The following IGSF21 variants were observed in gnomAD, a reference collection of about 807,000 sequenced individuals.
IGSF21 encodes the protein immunoglobin superfamily member 21, also known as immunoglobulin superfamily member 21.
IGSF21 carries 28 observed loss-of-function variants against 46.8 expected under a neutral mutation model. The ratio of observed to expected loss-of-function variants is 0.60; its 90% CI spans 0.44 to 0.82. The LOEUF (loss-of-function observed/expected upper bound fraction) is 0.82, where lower values mean the gene tolerates loss of function less well. IGSF21 is among the 40% of genes least tolerant of loss of function. The probability of loss-of-function intolerance (pLI) is 0.00; values close to 1 mark genes in which losing one functional copy is unlikely to be tolerated. For missense variants in IGSF21, 624 were observed against 665.5 expected (o/e 0.94, Z 0.69); for synonymous variants, 284 against 273.6 (o/e 1.04, Z -0.38).
intron 2 of IGSF21, among the ~76,000 whole-genome samples, chr1:18,235,817 G>A (rs956170872): frequency 6.6e-6 from 1 of 152,194 alleles, no homozygotes; most frequent in Non-Finnish European, 1.5e-5. Context: ...GGTTTGCAGA[G>A]GAGGTGAGAA....
chr1:18,295,545 G>A (rs1229048241), intron 3 of IGSF21, among the ~76,000 whole-genome samples: 2 of 152,220 alleles, frequency 1.3e-5, no homozygotes, highest in Non-Finnish European at 2.9e-5. Context: ...GAGATGCTGG[G>A]TGCCATTTAG....
chr1:18,228,339 G>T (rs1175858883), intron 2 of IGSF21, among the ~76,000 whole-genome samples: 3 of 152,204 alleles, frequency 2.0e-5, no homozygotes, highest in Non-Finnish European at 2.9e-5. Context: ...TCTGATGGTG[G>T]AATTTTGAGC....
At chr1:18,128,276 C>G (rs1333708165) in intron 1 of IGSF21, among the ~76,000 whole-genome samples, 1 of 152,112 alleles carries the variant, frequency 6.6e-6, no homozygotes, top group Non-Finnish European at 1.5e-5. Context: ...TAAAGCAGGG[C>G]TGTGGGATTG....
At chr1:18,122,055 G>A (rs891167957) in intron 1 of IGSF21, among the ~76,000 whole-genome samples, 1 of 152,256 alleles carries the variant, frequency 6.6e-6, no homozygotes, top group East Asian at 1.9e-4. Flanking sequence ...TATGGCTTGT[G>A]AGCTCCGAAT....
At position 18,365,375 on chromosome 1, in the gene IGSF21, C is replaced by T. The variant is rs1367163036; in HGVS notation, c.693C>T (p.Leu231=). The part of the protein sequence containing the change: ...DDTKMQKSLS[L]LDAENRGGRP... ...CCAAGATGCAGAAGTCACTGTCCCT[C>T]CTGGACGCCGAGAACCGGGGTGGGC... The change falls in exon 6 of 10, where the codon CTC becomes CTT. Residue 231 remains leucine (L), a synonymous_variant. Coordinates refer to ENST00000251296, the MANE Select transcript of IGSF21 (RefSeq NM_032880.5). The surrounding 1 kb of genome is among the most constrained non-coding windows in gnomAD (Gnocchi z 4.8). The T allele has an allele frequency of 6.2e-7, 1 of 1,614,018 alleles. No individual in the cohort carries two copies. Among genetic ancestry groups the T allele is most frequent in the Non-Finnish European group, 8.5e-7 (1 of 1,180,036 alleles).
At position 18,186,351 on chromosome 1, in the gene IGSF21, T is replaced by C. The variant is rs565659365; in HGVS notation, c.71-41547T>C. On this transcript the variant is annotated intron_variant, in intron 1 of 9. Transcript: ENST00000251296. Reference sequence around the variant, plus strand: ...TCTGTCTCCTGCTCTTCCTCCCTCCTCTAAAGCAATTGAAGAAGAAGATGG... The same window carrying C: ...TCTGTCTCCTGCTCTTCCTCCCTCCCCTAAAGCAATTGAAGAAGAAGATGG... 1.1e-4 allele frequency among the ~76,000 whole-genome samples: 16 copies of C among 152,280 alleles called. No individual in the cohort carries two copies. In the South Asian group the frequency reaches 3.3e-3, roughly 32 times the overall value.
At chr1:18,353,537 T>C (rs948573914) in intron 4 of IGSF21, among the ~76,000 whole-genome samples, 6 of 152,170 alleles carry the variant, frequency 3.9e-5, no homozygotes, top group Non-Finnish European at 7.3e-5. Context: ...TGAACCAATA[T>C]GTGAGATAAT....
intron 1 of IGSF21, among the ~76,000 whole-genome samples, chr1:18,120,217 C>T (rs2124406536): frequency 6.6e-6 from 1 of 152,330 alleles, no homozygotes; most frequent in East Asian, 1.9e-4. Context: ...GGGGCACTTT[C>T]TACCTATAGC....
intron 4 of IGSF21, among the ~76,000 whole-genome samples, chr1:18,358,273 A>G (rs957350863): frequency 6.6e-6 from 1 of 152,184 alleles, no homozygotes; most frequent in African/African-American, 2.4e-5. Context: ...TGTAAAGTAC[A>G]TATGTCACTG....
chr1:18,149,730 T>C (rs2086504417), intron 1 of IGSF21, among the ~76,000 whole-genome samples: 1 of 151,980 alleles, frequency 6.6e-6, no homozygotes, highest in Non-Finnish European at 1.5e-5. Context: ...CTGATCCATC[T>C]CTAGACTCTG....
chr1:18,371,839 T>G (rs1201796809), intron 6 of IGSF21, among the ~76,000 whole-genome samples: 1 of 152,180 alleles, frequency 6.6e-6, no homozygotes, highest in Non-Finnish European at 1.5e-5. Flanking sequence ...CTTACATAAC[T>G]CATTTCCACC....
intron 1 of IGSF21, chr1:18,113,852 A>G (rs2086164098): frequency 6.6e-6 from 1 of 152,180 alleles, no homozygotes; most frequent in Non-Finnish European, 1.5e-5. Context: ...CATTACAAGC[A>G]GAGCTCTTAG....
intron 1 of IGSF21, among the ~76,000 whole-genome samples, chr1:18,133,362 G>A (rs1182340235): frequency 1.3e-5 from 2 of 152,224 alleles, no homozygotes; most frequent in African/African-American, 4.8e-5. Context: ...GGAAGACAGT[G>A]GGTTTGCAGA....
chr1:18,362,798 T>C (rs1190402823), intron 5 of IGSF21, among the ~76,000 whole-genome samples: 1 of 152,150 alleles, frequency 6.6e-6, no homozygotes, highest in Non-Finnish European at 1.5e-5. Flanking sequence ...CATAGTTTCT[T>C]TGATATTTGT....
chr1:18,200,827 C>CT (rs2087065618), intron 1 of IGSF21, among the ~76,000 whole-genome samples: 1 of 152,174 alleles, frequency 6.6e-6, no homozygotes, highest in South Asian at 2.1e-4. Context: ...GCCTCTGTCA[C>CT]TGAGCTGACC....
intron 1 of IGSF21, among the ~76,000 whole-genome samples, chr1:18,189,109 C>A (rs1039596566): frequency 8.5e-5 from 13 of 152,220 alleles, no homozygotes; most frequent in Non-Finnish European, 7.3e-5. Context: ...GAAGCTCAGG[C>A]CCAGAGATGG....
intron 2 of IGSF21, among the ~76,000 whole-genome samples, chr1:18,287,790 C>G (rs1276779854): frequency 2.0e-5 from 3 of 152,154 alleles, no homozygotes; most frequent in African/African-American, 7.2e-5. Flanking sequence ...CTCTCTGCAC[C>G]CCACTCCTTA....
chr1:18,335,116 A>G lies in IGSF21; in HGVS notation c.424+106A>G. The G allele has an allele frequency of 2.4e-6, 2 of 847,560 alleles. No homozygotes were observed. Among genetic ancestry groups the G allele is most frequent in the South Asian group, 1.5e-5 (1 of 65,540 alleles). 52.5% of individuals were successfully genotyped at this position (847,560 alleles called of 1,614,324 possible). ...GCCATCCTGGGGGCCATCCACCAGAAGTTCTGTTGTGCTGGTGTCTTCCCT... is the reference window on the plus strand; with the variant it reads ...GCCATCCTGGGGGCCATCCACCAGAGGTTCTGTTGTGCTGGTGTCTTCCCT... On this transcript the variant is annotated intron_variant, in intron 4 of 9. Coordinates refer to ENST00000251296, the MANE Select transcript of IGSF21 (RefSeq NM_032880.5). This position sits in a 1 kb window ranked among gnomAD's most constrained non-coding sequence, Gnocchi z 4.8.
At chr1:18,152,301 C>T (rs1557559459) in intron 1 of IGSF21, among the ~76,000 whole-genome samples, 1 of 152,182 alleles carries the variant, frequency 6.6e-6, no homozygotes, top group Non-Finnish European at 1.5e-5. Flanking sequence ...GAGGTGGCTT[C>T]AAGGTTTTAA....
Sources: allele counts gnomAD v4.1 joint callset (sites outside exome capture counted in the v4.1 genomes callset), GRCh38; gene constraint gnomAD v4.1.1; non-coding constraint Gnocchi (gnomAD v3.1); transcripts MANE v1.5; gene names NCBI Gene and HGNC (gene_info 2026-07-23, HGNC 2026-07-21).